IL1RAPL1: variants seen among roughly 807,000 people sequenced by gnomAD.
The protein encoded by IL1RAPL1 is interleukin-1 receptor accessory protein-like 1.
IL1RAPL1 carries 3 observed loss-of-function variants against 48.4 expected under a neutral mutation model. That is an observed-to-expected ratio of 0.06 (90% CI 0.03 to 0.16). IL1RAPL1 has a LOEUF of 0.16. Among genes scored for constraint, IL1RAPL1 ranks in the 10% least tolerant of loss-of-function variants. The pLI, the probability that IL1RAPL1 is intolerant of heterozygous loss-of-function variation, is 1.00. For missense variants in IL1RAPL1, 349 were observed against 530.6 expected (o/e 0.66, Z 3.36); for synonymous variants, 185 against 187.7 (o/e 0.99, Z 0.12).
chrX:29,347,211 C>T (rs1320561195), intron 3 of IL1RAPL1, among the ~76,000 whole-genome samples: 2 of 110,737 alleles, frequency 1.8e-5, no homozygotes, highest in African/African-American at 6.6e-5. Flanking sequence ...AATTTAATGC[C>T]TTTTCCATCT....
chrX:29,953,732 GGTTTT>G (rs1933359302), intron 9 of IL1RAPL1, among the ~76,000 whole-genome samples: 1 of 111,364 alleles, frequency 9.0e-6, no homozygotes, highest in African/African-American at 3.3e-5. Context: ...TCACAAGTTT[GGTTTT>G]ATTTTCTCCC....
chrX:29,191,118 A>G (rs1930344364), intron 2 of IL1RAPL1, among the ~76,000 whole-genome samples: 1 of 111,875 alleles, frequency 8.9e-6, no homozygotes, highest in Non-Finnish European at 1.9e-5. Context: ...GCAATCTAAT[A>G]TATATAGGTA....
At chrX:29,102,581 G>A (rs1219143579) in intron 2 of IL1RAPL1, among the ~76,000 whole-genome samples, 3 of 109,098 alleles carry the variant, frequency 2.7e-5, no homozygotes, top group East Asian at 2.9e-4. Flanking sequence ...CAGGAGAATC[G>A]CTTGAACCCA....
At chrX:28,757,408 G>A (rs1457562051) in intron 1 of IL1RAPL1, among the ~76,000 whole-genome samples, 1 of 112,572 alleles carries the variant, frequency 8.9e-6, no homozygotes, top group Non-Finnish European at 1.9e-5. Flanking sequence ...TTTATTTCCA[G>A]CCTGTGCTCC....
rs995235562 is a variant in IL1RAPL1 at position 29,591,836 on chromosome X, G to A, written c.704-76594G>A. On this transcript the variant is annotated intron_variant, in intron 5 of 10. Coordinates refer to ENST00000378993, the MANE Select transcript of IL1RAPL1 (RefSeq NM_014271.4). ...ATTCTTATTACTGCCATTTCACACAGGAAGAAACCTGCTCACAGGGAGTAA... is the reference window on the plus strand; with the variant it reads ...ATTCTTATTACTGCCATTTCACACAAGAAGAAACCTGCTCACAGGGAGTAA... Among the ~76,000 whole-genome samples, 11 of 112,590 alleles carry A rather than the reference G, an allele frequency of 9.8e-5. No homozygotes were observed. In the East Asian group the frequency reaches 3.1e-3, roughly 31 times the overall value.
In IL1RAPL1 at chrX:29,920,067, C is replaced by T. The variant is rs778100377; in HGVS notation, c.1030C>T (p.His344Tyr). Reference protein sequence around the residue: ...CYVENGNGRRHASVLLHKREL... With the variant: ...CYVENGNGRRYASVLLHKREL... ...TGTTGAAAATGGAAATGGACGTCGA[C>T]ACGCCAGCGTTCTCCTTCATAAACG... Residue 344 changes from histidine to tyrosine, a missense_variant, in exon 8 of 11, where the codon CAC becomes TAC. Transcript: ENST00000378993. The T allele has an allele frequency of 3.3e-6, 4 of 1,211,512 alleles. No homozygotes were observed. The Admixed American group carries it at 8.7e-5, about 26-fold the overall frequency.
Position 28,820,013 on chromosome X carries a change from T to TACAC in IL1RAPL1, c.82+30591_82+30592insCACA, listed in dbSNP as rs1298211988. 8.9e-5 allele frequency among the ~76,000 whole-genome samples: 6 copies of TACAC among 67,400 alleles called. No homozygotes were observed. The Admixed American group carries it at 9.2e-4, about 10-fold the overall frequency. 58.5% of individuals were successfully genotyped at this position (67,400 alleles called of 115,157 possible). A position where few individuals can be genotyped will look rare whatever the true frequency, so the allele number is the denominator to read the frequency against. On this transcript the variant is annotated intron_variant, in intron 2 of 10. Transcript: ENST00000378993. ...ATATATATATATATATATATATATA[T>TACAC]ACATGTACTGTATCTACAAATGAAA... is the stretch of plus-strand genomic sequence containing the variant.
chrX:28,993,266 C>G (rs2147383152), intron 2 of IL1RAPL1, among the ~76,000 whole-genome samples: 1 of 111,592 alleles, frequency 9.0e-6, no homozygotes, highest in African/African-American at 3.3e-5. Flanking sequence ...CAGTGGAATA[C>G]TGTGATCTAG....
chrX:29,057,614 A>G (rs1375039186), intron 2 of IL1RAPL1, among the ~76,000 whole-genome samples: 1 of 110,473 alleles, frequency 9.1e-6, no homozygotes, highest in Non-Finnish European at 1.9e-5. Context: ...TTTTTAATAG[A>G]GATGGGGTTT....
rs181690782 is a variant in IL1RAPL1, at chrX:28,920,157, C to T, written c.82+130732C>T. ...TTCTGAATCAGCCTTTTCACAAAAC[C>T]ATTATGTGATAAGCTCTTGTCTTGG... On this transcript the variant is annotated intron_variant, in intron 2 of 10. Transcript: ENST00000378993. Among the ~76,000 whole-genome samples, 138 of 111,706 alleles carry T rather than the reference C, an allele frequency of 1.2e-3. 2 individuals are homozygous for T. The highest frequency in any genetic ancestry group is 9.3e-3 in the Middle Eastern group (2 of 214).
At chrX:28,755,252 T>C (rs908076197) in intron 1 of IL1RAPL1, among the ~76,000 whole-genome samples, 2 of 112,073 alleles carry the variant, frequency 1.8e-5, no homozygotes, top group Non-Finnish European at 3.8e-5. Context: ...CGCCTTGGCC[T>C]CCCAAAGTGC....
chrX:28,642,218 CTT>C (rs1934553390), intron 1 of IL1RAPL1, among the ~76,000 whole-genome samples: 2 of 111,091 alleles, frequency 1.8e-5, no homozygotes, highest in Admixed American at 1.9e-4. Flanking sequence ...TAGTGGGAGA[CTT>C]TAACACCCCA....
Position 29,219,955 on chromosome X carries a change from G to GAA in IL1RAPL1, c.83-62972_83-62971dup, listed in dbSNP as rs57985625. ...AATGAAATCAGCAGTAATCTTTAAA[G>GAA]AAAAAAAAAAAAGAAAAATTGGCAA... is the stretch of plus-strand genomic sequence containing the variant. On this transcript the variant is annotated intron_variant, in intron 2 of 10. Transcript: ENST00000378993. Among the ~76,000 whole-genome samples the GAA allele has an allele frequency of 7.2e-5, 7 of 96,803 alleles. No individual in the cohort carries two copies. In the East Asian group the frequency reaches 1.6e-3, roughly 22 times the overall value. The allele number at this position is 96,803 out of a possible 115,157, so 84.1% of individuals were successfully genotyped here.
intron 5 of IL1RAPL1, among the ~76,000 whole-genome samples, chrX:29,432,281 T>C (rs747139866): frequency 1.4e-4 from 16 of 111,590 alleles, no homozygotes; most frequent in Non-Finnish European, 2.8e-4. Context: ...GGTGTAAATC[T>C]TCTTTCAGTC....
At chrX:29,813,938 G>A (rs939225118) in intron 6 of IL1RAPL1, among the ~76,000 whole-genome samples, 1 of 111,937 alleles carries the variant, frequency 8.9e-6, no homozygotes, top group Admixed American at 9.5e-5. Flanking sequence ...ATTTATGGCT[G>A]TGTAGTATTC....
At chrX:28,923,632 A>G (rs1923669249) in intron 2 of IL1RAPL1, among the ~76,000 whole-genome samples, 1 of 111,596 alleles carries the variant, frequency 9.0e-6, no homozygotes, top group Admixed American at 9.6e-5. Context: ...AACGATGAAT[A>G]GATGGGTGGG....
intron 2 of IL1RAPL1, among the ~76,000 whole-genome samples, chrX:29,172,615 C>T (rs1019013760): frequency 1.8e-5 from 2 of 111,484 alleles, no homozygotes; most frequent in East Asian, 5.6e-4. Flanking sequence ...CCAGGTGATT[C>T]TAATGCATTC....
chrX:29,736,985 A>C (rs1455593138), intron 6 of IL1RAPL1, among the ~76,000 whole-genome samples: 3 of 111,844 alleles, frequency 2.7e-5, no homozygotes, highest in Non-Finnish European at 5.6e-5. Context: ...GTATTCCCCC[A>C]ACCACCAGTG....
intron 6 of IL1RAPL1, among the ~76,000 whole-genome samples, chrX:29,693,471 C>G (rs1926829105): frequency 8.9e-6 from 1 of 112,360 alleles, no homozygotes; most frequent in Non-Finnish European, 1.9e-5. Flanking sequence ...GAAAAAAACT[C>G]TACTTCTGTG....
Sources: allele counts gnomAD v4.1 joint callset (sites outside exome capture counted in the v4.1 genomes callset), GRCh38; gene constraint gnomAD v4.1.1; transcripts MANE v1.5; gene names NCBI Gene and HGNC (gene_info 2026-07-23, HGNC 2026-07-21).